CDH13: variants seen among roughly 807,000 people sequenced by gnomAD.
The protein encoded by CDH13 is cadherin-13.
Under a neutral mutation model 63.8 loss-of-function variants are expected in CDH13, and 24 were observed. The ratio of observed to expected loss-of-function variants is 0.38; its 90% CI spans 0.27 to 0.53. CDH13 has a LOEUF of 0.53. Among genes scored for constraint, CDH13 ranks in the 20% least tolerant of loss-of-function variants. The pLI is 0.85. For synonymous variants in CDH13, 503 were observed against 355.3 expected (o/e 1.42, Z -4.67); for missense variants, 1,049 against 903.1 (o/e 1.16, Z -2.07).
intron 2 of CDH13, among the ~76,000 whole-genome samples, chr16:82,906,457 T>A (rs2041650561): frequency 6.6e-6 from 1 of 152,180 alleles, no homozygotes; most frequent in African/African-American, 2.4e-5. Flanking sequence ...AGTTCTTACT[T>A]CCATGTCCTA....
intron 3 of CDH13, among the ~76,000 whole-genome samples, chr16:83,111,474 A>G (rs573295380): frequency 6.6e-5 from 10 of 152,348 alleles, no homozygotes; most frequent in African/African-American, 2.2e-4. Flanking sequence ...TGAAAGCATG[A>G]TGTGTCTGAG....
chr16:82,782,925 C>G (rs1250990216), intron 1 of CDH13, among the ~76,000 whole-genome samples: 1 of 152,152 alleles, frequency 6.6e-6, no homozygotes, highest in Non-Finnish European at 1.5e-5. Context: ...ACAGCTGTTA[C>G]TAGGGGCAAC....
intron 2 of CDH13, among the ~76,000 whole-genome samples, chr16:82,895,709 G>T (rs1361283562): frequency 6.6e-6 from 1 of 151,454 alleles, no homozygotes. Flanking sequence ...TTTTAAAGAG[G>T]GGTGTTTTCT....
rs544148321 is a variant in CDH13, at chr16:83,285,574, G to A, written c.637-59288G>A. Reference sequence around the variant, plus strand: ...AAGCAATGTAATAACTATTTACATAGCATTTACATTGTATTAGCTATCATA... The same window carrying A: ...AAGCAATGTAATAACTATTTACATAACATTTACATTGTATTAGCTATCATA... On this transcript the variant is annotated intron_variant, in intron 5 of 13. Coordinates refer to ENST00000567109, the MANE Select transcript of CDH13 (RefSeq NM_001257.5). Among the ~76,000 whole-genome samples, 82 of 152,194 alleles carry A rather than the reference G, an allele frequency of 5.4e-4. 1 individual carries two copies. The highest frequency in any genetic ancestry group is 1.9e-3 in the African/African-American group (79 of 41,532).
intron 5 of CDH13, among the ~76,000 whole-genome samples, chr16:83,326,536 C>T (rs963416914): frequency 2.0e-5 from 3 of 151,602 alleles, no homozygotes; most frequent in Non-Finnish European, 2.9e-5. Context: ...ATAGTTCAAC[C>T]GAACAAAATT....
At chr16:83,648,872 T>A (rs116575689) in intron 8 of CDH13, among the ~76,000 whole-genome samples, 1 of 152,234 alleles carries the variant, frequency 6.6e-6, no homozygotes, top group African/African-American at 2.4e-5. Flanking sequence ...TTTCCTAACT[T>A]TTTTGCATAT....
At chr16:83,362,320 G>C (rs1289340984) in intron 6 of CDH13, among the ~76,000 whole-genome samples, 1 of 152,216 alleles carries the variant, frequency 6.6e-6, no homozygotes, top group Non-Finnish European at 1.5e-5. Flanking sequence ...ACAGCCGCGT[G>C]TATGAGCTGT....
At chr16:83,555,442 C>G (rs1396059248) in intron 7 of CDH13, among the ~76,000 whole-genome samples, 1 of 152,184 alleles carries the variant, frequency 6.6e-6, no homozygotes. Context: ...TTGAGAAGTG[C>G]TGTCTTAAAA....
intron 10 of CDH13, chr16:83,728,831 A>G (rs393430): frequency 0.69 from 104,497 of 152,104 alleles, 37,378 homozygotes; most frequent in Middle Eastern, 0.8. Context: ...CAAATACCAC[A>G]GACTGGGCAG....
intron 1 of CDH13, among the ~76,000 whole-genome samples, chr16:82,673,536 C>G (rs1226006343): frequency 6.6e-6 from 1 of 152,162 alleles, no homozygotes; most frequent in African/African-American, 2.4e-5. Context: ...AGCTTAAAAC[C>G]TCACAGGTAT....
chr16:83,213,121 T>G (rs4313801), intron 4 of CDH13, among the ~76,000 whole-genome samples: 132,519 of 152,144 alleles, frequency 0.87, 60,037 homozygotes, highest in Non-Finnish European at 0.98. Context: ...TGTGCAGTGC[T>G]AAGCTGGGGC....
chr16:82,857,826 C>G (rs1036153100), intron 1 of CDH13, among the ~76,000 whole-genome samples: 1 of 151,484 alleles, frequency 6.6e-6, no homozygotes, highest in Non-Finnish European at 1.5e-5. Context: ...TTTATACTTA[C>G]AACATGTCAG....
chr16:83,566,941 C>T (rs1196891769), intron 7 of CDH13, among the ~76,000 whole-genome samples: 4 of 152,192 alleles, frequency 2.6e-5, no homozygotes, highest in Admixed American at 2.0e-4. Context: ...CCTCATCCCT[C>T]ACCTATTCTT....
At chr16:82,736,375 G>T (rs530011925) in intron 1 of CDH13, among the ~76,000 whole-genome samples, 1 of 152,306 alleles carries the variant, frequency 6.6e-6, no homozygotes, top group Admixed American at 6.5e-5. Flanking sequence ...GGTTGACACG[G>T]TGCCACTCAT....
At chr16:83,152,587 C>T (rs1350628499) in intron 4 of CDH13, among the ~76,000 whole-genome samples, 1 of 152,018 alleles carries the variant, frequency 6.6e-6, no homozygotes, top group Non-Finnish European at 1.5e-5. Flanking sequence ...TTAGGGCTGC[C>T]ATTCAATTGG....
At chr16:82,721,747 A>T (rs750241641) in intron 1 of CDH13, among the ~76,000 whole-genome samples, 4 of 152,190 alleles carry the variant, frequency 2.6e-5, no homozygotes, top group Non-Finnish European at 4.4e-5. Context: ...AATACAATCA[A>T]AGCCATTAGG....
At chr16:83,520,701 T>A in intron 7 of CDH13, among the ~76,000 whole-genome samples, 1 of 152,168 alleles carries the variant, frequency 6.6e-6, no homozygotes. Flanking sequence ...CTGGAAGGGC[T>A]TAATGGAACA....
At chr16:82,680,397 C>T (rs74468526) in intron 1 of CDH13, among the ~76,000 whole-genome samples, 1 of 152,192 alleles carries the variant, frequency 6.6e-6, no homozygotes, top group African/African-American at 2.4e-5. Context: ...GCCCTCATCA[C>T]AGTGCCAGGA....
chr16:83,496,896 A>G (rs2074158835), intron 7 of CDH13, among the ~76,000 whole-genome samples: 1 of 152,262 alleles, frequency 6.6e-6, no homozygotes, highest in Non-Finnish European at 1.5e-5. Context: ...TGCAGCCAAA[A>G]AACACATGAA....
Sources: gnomAD v4.1 joint callset for allele counts (sites outside exome capture counted in the v4.1 genomes callset) on GRCh38, gnomAD v4.1.1 for gene constraint, MANE v1.5 for transcripts, NCBI Gene and HGNC (gene_info 2026-07-23, HGNC 2026-07-21) for gene names.